PKP4: variants seen among roughly 807,000 people sequenced by gnomAD.
PKP4 encodes the protein plakophilin 4, also known as plakophilin-4.
PKP4 carries 90 observed loss-of-function variants against 145.1 expected under a neutral mutation model. The observed-to-expected ratio is 0.62, with a 90% confidence interval of 0.52 to 0.74. The LOEUF is 0.74. PKP4 is among the 30% of genes least tolerant of loss of function. The probability of loss-of-function intolerance (pLI) is 0.00; values close to 1 mark genes in which losing one functional copy is unlikely to be tolerated. For missense variants in PKP4, 1,340 were observed against 1,482.7 expected (o/e 0.90, Z 1.58); for synonymous variants, 563 against 577.2 (o/e 0.98, Z 0.35).
intron 11 of PKP4, among the ~76,000 whole-genome samples, chr2:158,652,488 C>T (rs1270049265): frequency 5.3e-5 from 8 of 152,302 alleles, no homozygotes; most frequent in Admixed American, 3.3e-4. Context: ...ACTTCAAGGG[C>T]AGCTGCATAG....
chr2:158,642,499 G>A lies in PKP4; in HGVS notation c.1709G>A (p.Gly570Glu), dbSNP rs2054387684. The change falls in exon 11 of 22, where the codon GGG becomes GAG. Residue 570 changes from glycine to glutamate, a missense_variant. Gly to Glu is a moderately conservative substitution (Grantham distance 98). Transcript: ENST00000389759. ...TTTTCATTCTAGGTGTGTAGGTTAGGGGGAATCAAGCATCTGGTTGACCTT... is the reference window on the plus strand; with the variant it reads ...TTTTCATTCTAGGTGTGTAGGTTAGAGGGAATCAAGCATCTGGTTGACCTT... ...NKVKMEVCRL[G>E]GIKHLVDLLD... is the part of the protein sequence containing the mutation. 6.2e-7 allele frequency: 1 copy of A among 1,609,072 alleles called. No individual in the cohort carries two copies.
At chr2:158,545,221 C>T (rs1389415322) in intron 2 of PKP4, among the ~76,000 whole-genome samples, 3 of 151,928 alleles carry the variant, frequency 2.0e-5, no homozygotes, top group Admixed American at 6.6e-5. Flanking sequence ...TCTGGGCCTT[C>T]ACTCTCTCCC....
chr2:158,518,802 T>G (rs1265588616), intron 1 of PKP4, among the ~76,000 whole-genome samples: 1 of 152,202 alleles, frequency 6.6e-6, no homozygotes, highest in African/African-American at 2.4e-5. Context: ...ATCATAATTT[T>G]TGGTCAGTAC....
chr2:158,664,593 C>T (rs942232743), intron 15 of PKP4, among the ~76,000 whole-genome samples: 1 of 152,224 alleles, frequency 6.6e-6, no homozygotes, highest in Middle Eastern at 3.4e-3. Context: ...CATTGATAAG[C>T]CTAGGTATGG....
At chr2:158,626,389 A>C (rs2052788349) in intron 7 of PKP4, among the ~76,000 whole-genome samples, 1 of 152,150 alleles carries the variant, frequency 6.6e-6, no homozygotes, top group South Asian at 2.1e-4. Flanking sequence ...TTTTTTATAG[A>C]TATATCATAA....
intron 1 of PKP4, among the ~76,000 whole-genome samples, chr2:158,491,916 A>G (rs1694997859): frequency 6.6e-6 from 1 of 151,962 alleles, no homozygotes; most frequent in Non-Finnish European, 1.5e-5. Context: ...CATGTCAGCC[A>G]CCCTAGTAGC....
At chr2:158,650,111 GGTGGCCA>G (rs1288048671) in intron 11 of PKP4, among the ~76,000 whole-genome samples, 3 of 152,164 alleles carry the variant, frequency 2.0e-5, no homozygotes, top group Admixed American at 6.5e-5. Flanking sequence ...GCAGAACAAG[GGTGGCCA>G]GGGCCGCTGC....
At chr2:158,551,863 C>G (rs183012653) in intron 2 of PKP4, among the ~76,000 whole-genome samples, 1 of 152,164 alleles carries the variant, frequency 6.6e-6, no homozygotes, top group Non-Finnish European at 1.5e-5. Context: ...TTTGAAACAA[C>G]TATAACTTTT....
At chr2:158,582,596 A>G (rs1445113069) in intron 3 of PKP4, among the ~76,000 whole-genome samples, 4 of 152,210 alleles carry the variant, frequency 2.6e-5, no homozygotes, top group Admixed American at 6.5e-5. Context: ...AAAACAAACT[A>G]GGTTGCTCAG....
Position 158,680,446 on chromosome 2 carries a change from T to C in PKP4, c.3348T>C (p.Tyr1116=), listed in dbSNP as rs764813882. The C allele has an allele frequency of 5.0e-5, 81 of 1,610,418 alleles. No individual in the cohort carries two copies. In the Middle Eastern group the frequency reaches 1.3e-3, roughly 26 times the overall value. The change falls in exon 22 of 22, where the codon TAT becomes TAC. Residue 1116 remains tyrosine, a synonymous_variant. Coordinates refer to ENST00000389759, the MANE Select transcript of PKP4 (RefSeq NM_003628.6). ...GTCAACAGCATCAACAGCTGTATTATAGTCAAGATGACTCCAACAGAAAGA... is the reference window on the plus strand; with the variant it reads ...GTCAACAGCATCAACAGCTGTATTACAGTCAAGATGACTCCAACAGAAAGA... ...NRRLQHQQLY[Y]SQDDSNRKNF...
In PKP4 at chr2:158,624,938, C is replaced by T; in HGVS notation, c.664C>T (p.Pro222Ser). 6.2e-7 allele frequency: 1 copy of T among 1,613,954 alleles called. No homozygotes were observed. Among genetic ancestry groups the T allele is most frequent in the East Asian group, 2.2e-5 (1 of 44,888 alleles). The part of the protein sequence containing the change: ...VSSVPSRAQS[P>S]SYVISTGVSP... ...TTCAGTTCCATCTAGAGCACAGTCT[C>T]CTTCTTATGTTATCAGCACAGGCGT... The change falls in exon 7 of 22, where the codon CCT becomes TCT. Residue 222 changes from proline to serine, a missense_variant. Transcript: ENST00000389759.
chr2:158,673,206 T>G (rs1223782311), intron 17 of PKP4, among the ~76,000 whole-genome samples: 3 of 152,200 alleles, frequency 2.0e-5, no homozygotes, highest in Non-Finnish European at 4.4e-5. Flanking sequence ...CGCACATTAG[T>G]CTACTTAGAG....
At position 158,526,844 on chromosome 2, in the gene PKP4, G is replaced by A. The variant is rs1284332152; in HGVS notation, c.-5-6336G>A. Among the ~76,000 whole-genome samples the A allele has an allele frequency of 4.2e-5, 3 of 71,718 alleles. 1 individual carries two copies. The highest frequency in any genetic ancestry group is 8.0e-5 in the Non-Finnish European group (3 of 37,544). 47.0% of individuals were successfully genotyped at this position (71,718 alleles called of 152,430 possible). On this transcript the variant is annotated intron_variant, in intron 1 of 21. Coordinates refer to ENST00000389759, the MANE Select transcript of PKP4 (RefSeq NM_003628.6). ...CAAGCATTCTTATACGCCAACAACA[G>A]ACAAACAGAGAGCCAAATCATGAGT...
intron 2 of PKP4, among the ~76,000 whole-genome samples, chr2:158,559,349 C>G (rs1487108757): frequency 7.3e-6 from 1 of 136,544 alleles, no homozygotes; most frequent in African/African-American, 2.8e-5. Flanking sequence ...GTTGTCCTTT[C>G]TTTCCAAAGG....
At chr2:158,491,276 C>T (rs888577152) in intron 1 of PKP4, among the ~76,000 whole-genome samples, 1 of 152,156 alleles carries the variant, frequency 6.6e-6, no homozygotes, top group African/African-American at 2.4e-5. Context: ...ATGCCTAGCA[C>T]CAGAATTGCT....
chr2:158,558,015 T>C (rs2046232437), intron 2 of PKP4, among the ~76,000 whole-genome samples: 1 of 152,146 alleles, frequency 6.6e-6, no homozygotes, highest in African/African-American at 2.4e-5. Flanking sequence ...CACAACCACA[T>C]AGTTGTTACT....
chr2:158,603,594 A>G (rs898191868), intron 4 of PKP4, among the ~76,000 whole-genome samples: 1 of 152,132 alleles, frequency 6.6e-6, no homozygotes, highest in African/African-American at 2.4e-5. Flanking sequence ...AATTCACCAC[A>G]TAGGAAGGAT....
intron 11 of PKP4, among the ~76,000 whole-genome samples, chr2:158,648,524 C>T (rs147809996): frequency 0.01 from 1,585 of 152,274 alleles, 7 homozygotes; most frequent in Non-Finnish European, 0.015. Flanking sequence ...AGCATGTCCC[C>T]TTAGCCTAAT....
chr2:158,481,643 C>T (rs1693369676), intron 1 of PKP4, among the ~76,000 whole-genome samples: 1 of 152,204 alleles, frequency 6.6e-6, no homozygotes, highest in Admixed American at 6.5e-5. Flanking sequence ...TGACTAGATA[C>T]ATTTGAGTAT....
Sources: gnomAD v4.1 joint callset for allele counts (sites outside exome capture counted in the v4.1 genomes callset) on GRCh38, gnomAD v4.1.1 for gene constraint, MANE v1.5 for transcripts, NCBI Gene and HGNC (gene_info 2026-07-23, HGNC 2026-07-21) for gene names.